RBM5: variants seen among roughly 807,000 people sequenced by gnomAD.
RBM5 encodes RNA binding motif protein 5, also known as RNA-binding protein 5.
RBM5 carries 15 observed loss-of-function variants against 124.6 expected under a neutral mutation model. The observed-to-expected ratio is 0.12, with a 90% CI of 0.08 to 0.19. The LOEUF is 0.19. Among genes scored for constraint, RBM5 ranks in the 10% least tolerant of loss-of-function variants. The pLI, the probability that RBM5 is intolerant of heterozygous loss-of-function variation, is 1.00. For synonymous variants in RBM5, 337 were observed against 361.2 expected, an observed-to-expected ratio of 0.93 and a Z score of 0.76; for missense variants, 580 against 1,026.5, an observed-to-expected ratio of 0.57 and a Z score of 5.94.
chr3:50,109,266 G>A (rs899228286), intron 14 of RBM5, among the ~76,000 whole-genome samples: 2 of 152,062 alleles, frequency 1.3e-5, no homozygotes, highest in African/African-American at 4.8e-5. Flanking sequence ...GTAGAGACGG[G>A]GTTTCACCGT....
rs557704914 is a variant in RBM5, at chr3:50,100,296, A to G, written c.410-236A>G. The G allele has an allele frequency of 2.4e-5, 13 of 544,260 alleles. No homozygotes were observed. The highest frequency in any genetic ancestry group is 2.9e-4 in the Middle Eastern group (1 of 3,428). The allele number at this position is 544,260 out of a possible 1,614,324, so 33.7% of individuals were successfully genotyped here. On this transcript the variant is annotated intron_variant, in intron 5 of 24. Transcript: ENST00000347869. This position sits in a 1 kb window ranked among gnomAD's most constrained non-coding sequence, Gnocchi z 5.1. ...TATAAACTCCTTTTTTTTTTTGACTATAGTCGGTTGCATGGTTACTTTAAG... is the reference window on the plus strand; with the variant it reads ...TATAAACTCCTTTTTTTTTTTGACTGTAGTCGGTTGCATGGTTACTTTAAG...
chr3:50,095,299 A>G (rs759013855), intron 4 of RBM5, among the ~76,000 whole-genome samples: 6 of 152,232 alleles, frequency 3.9e-5, no homozygotes, highest in Non-Finnish European at 7.3e-5. Flanking sequence ...TTCTGTCTTC[A>G]TTAGCTCCTA....
intron 8 of RBM5, chr3:50,104,705 T>C: frequency 3.7e-6 from 1 of 268,652 alleles, no homozygotes; most frequent in South Asian, 9.1e-5. Context: ...AGGAAAAGTA[T>C]AGATTTTAGT....
intron 15 of RBM5, 85 bp from the exon 16 acceptor site, chr3:50,110,294 C>A: frequency 1.8e-6 from 2 of 1,141,032 alleles, no homozygotes; most frequent in South Asian, 1.3e-5. Flanking sequence ...GTCAGGGGAG[C>A]CCTTCCTCCT....
chr3:50,105,772 A>G, intron 10 of RBM5, 63 bp downstream of exon 10: 1 of 1,559,824 alleles, frequency 6.4e-7, no homozygotes, highest in South Asian at 1.2e-5. Flanking sequence ...AATGTGGTTC[A>G]TCCAGTTTTG....
At chr3:50,106,997 G>C in intron 11 of RBM5, 133 bp downstream of exon 11, 3 of 784,100 alleles carry the variant, frequency 3.8e-6, no homozygotes, top group Non-Finnish European at 6.7e-6. Context: ...GGCCAGGAGG[G>C]ACACGTTTGT....
chr3:50,102,350 C>T (rs927780093), intron 6 of RBM5: 2 of 152,130 alleles, frequency 1.3e-5, no homozygotes, highest in African/African-American at 4.8e-5. Flanking sequence ...ATGAGCTTTT[C>T]CTACCCCCCT....
Position 50,118,524 on chromosome 3 carries a change from G to T in RBM5, c.*68G>T, listed in dbSNP as rs551797675. On this transcript the variant is annotated 3_prime_UTR_variant, in exon 25 of 25. Coordinates refer to ENST00000347869, the MANE Select transcript of RBM5 (RefSeq NM_005778.4). ...TCCATCTCCCGAATTCGCTGTTACCGCCTGTCTCTTTAAGGGCATGCCTTG... is the reference window on the plus strand; with the variant it reads ...TCCATCTCCCGAATTCGCTGTTACCTCCTGTCTCTTTAAGGGCATGCCTTG... 5.8e-6 allele frequency: 9 copies of T among 1,558,312 alleles called. No individual in the cohort carries two copies. The highest frequency in any genetic ancestry group is 7.8e-6 in the Non-Finnish European group (9 of 1,147,662).
intron 3 of RBM5, 70 bp from the exon 4 acceptor site, chr3:50,093,650 C>A: frequency 6.8e-7 from 1 of 1,480,134 alleles, no homozygotes; most frequent in Non-Finnish European, 9.3e-7. Context: ...AGGATAATTT[C>A]TAGGAGTGGA....
chr3:50,109,717 C>CG, intron 15 of RBM5, 29 bp downstream of exon 15: 1 of 1,583,132 alleles, frequency 6.3e-7, no homozygotes, highest in Non-Finnish European at 8.7e-7. Context: ...ATACAAAACT[C>CG]GTGGCTGATG....
intron 8 of RBM5, chr3:50,104,851 G>C (rs1026679807): frequency 1.4e-5 from 6 of 441,024 alleles, no homozygotes; most frequent in East Asian, 1.3e-4. Flanking sequence ...TTCTGCATCT[G>C]CCTTTCTTTA....
chr3:50,110,533 C>G (rs1258843817), intron 16 of RBM5, 70 bp downstream of exon 16: 4 of 1,515,696 alleles, frequency 2.6e-6, no homozygotes, highest in Non-Finnish European at 3.7e-6. Context: ...AATGAGAGTT[C>G]TTCTCCCTTT....
intron 1 of RBM5, chr3:50,089,997 G>A (rs2090676084): frequency 5.9e-6 from 1 of 170,622 alleles, no homozygotes; most frequent in Non-Finnish European, 1.3e-5. Flanking sequence ...GAAGACACTT[G>A]GATTAATGTT....
intron 4 of RBM5, among the ~76,000 whole-genome samples, chr3:50,099,204 T>G (rs1370656876): frequency 1.3e-5 from 2 of 151,266 alleles, no homozygotes; most frequent in Admixed American, 6.6e-5. Context: ...TGCAGTGAGC[T>G]GAGATCACAC....
At chr3:50,105,464 G>C in intron 9 of RBM5, 85 bp from the exon 10 acceptor site, 6 of 1,359,366 alleles carry the variant, frequency 4.4e-6, no homozygotes, top group Non-Finnish European at 5.1e-6. Flanking sequence ...AAATGGATTT[G>C]TATGTACTTG....
chr3:50,094,067 G>A (rs1368480590), intron 4 of RBM5, 192 bp downstream of exon 4: 4 of 501,468 alleles, frequency 8.0e-6, no homozygotes, highest in Non-Finnish European at 1.4e-5. Context: ...TTAAACATTT[G>A]CATTTACATA....
chr3:50,110,849 T>G, intron 17 of RBM5, 79 bp downstream of exon 17: 1 of 1,176,994 alleles, frequency 8.5e-7, no homozygotes, highest in South Asian at 1.5e-5. Context: ...AATGAAATAT[T>G]TCCTGCAAAA....
chr3:50,093,915 A>T, intron 4 of RBM5, 40 bp downstream of exon 4: 1 of 1,572,338 alleles, frequency 6.4e-7, no homozygotes, highest in Non-Finnish European at 8.7e-7. Context: ...GTCAGTAGGC[A>T]CAATGAACTT....
chr3:50,117,493 G>C lies in RBM5; in HGVS notation c.2322+114G>C. Reference sequence around the variant, plus strand: ...AGGAGCAGCTTTACCTTAGCATGAAGGGGCAGATTACAGGCATGAGCTCAC... The same window carrying C: ...AGGAGCAGCTTTACCTTAGCATGAACGGGCAGATTACAGGCATGAGCTCAC... On this transcript the variant is annotated intron_variant, in intron 24 of 24. Coordinates refer to ENST00000347869, the MANE Select transcript of RBM5 (RefSeq NM_005778.4). This position sits in a 1 kb window ranked among gnomAD's most constrained non-coding sequence, Gnocchi z 4.2. 6.9e-7 allele frequency: 1 copy of C among 1,445,602 alleles called. No individual in the cohort carries two copies. Among genetic ancestry groups the C allele is most frequent in the Non-Finnish European group, 9.4e-7 (1 of 1,062,536 alleles). 89.5% of individuals were successfully genotyped at this position (1,445,602 alleles called of 1,614,324 possible).
Sources: gnomAD v4.1 joint callset for allele counts (sites outside exome capture counted in the v4.1 genomes callset) on GRCh38, gnomAD v4.1.1 for gene constraint, Gnocchi (gnomAD v3.1) non-coding constraint, MANE v1.5 for transcripts, NCBI Gene and HGNC (gene_info 2026-07-23, HGNC 2026-07-21) for gene names.